Variants in NDRG2 observed in about 807,000 individuals in gnomAD.
The protein encoded by NDRG2 is NDRG family member 2.
A neutral mutation model predicts 58.2 loss-of-function variants in NDRG2; 34 were observed. The ratio of observed to expected loss-of-function variants is 0.58; its 90% CI spans 0.44 to 0.78. NDRG2 has a LOEUF of 0.78. Ranked by LOEUF, NDRG2 falls within the 30% of genes least tolerant of loss-of-function variation. The pLI is 0.00. For missense variants in NDRG2, 434 were observed against 471.2 expected (o/e 0.92, Z 0.73); for synonymous variants, 187 against 175.9 (o/e 1.06, Z -0.50).
chr14:21,058,227 C>A, intron 1 of NDRG2: 1 of 1,614,162 alleles, frequency 6.2e-7, no homozygotes. Context: ...GAGCTCACCT[C>A]AGGGAAGTAC....
intron 1 of NDRG2, chr14:21,034,389 T>G: frequency 1.2e-6 from 1 of 823,854 alleles, no homozygotes; most frequent in Non-Finnish European, 1.9e-6. Context: ...CCAACAGTAC[T>G]TTAGAGATCA....
At chr14:21,025,965 A>G (rs1883557398), upstream of NDRG2, 1 of 153,318 alleles carries the variant, frequency 6.5e-6, no homozygotes, top group South Asian at 2.1e-4. This position sits in a 1 kb window ranked among gnomAD's most constrained non-coding sequence, Gnocchi z 5.1. Flanking sequence ...GGGAGGACGC[A>G]GTGTCCTGGG....
intron 1 of NDRG2, chr14:21,058,568 C>G (rs1885790952): frequency 3.6e-6 from 2 of 561,286 alleles, no homozygotes; most frequent in Non-Finnish European, 6.3e-6. Context: ...TTCATTGTAG[C>G]TTACTTTGCA....
chr14:21,030,335 T>A, upstream of NDRG2: 1 of 490,562 alleles, frequency 2.0e-6, no homozygotes, highest in Non-Finnish European at 3.7e-6. Context: ...AAAGAGAGGA[T>A]CATTCAGTAG....
upstream of NDRG2, among the ~76,000 whole-genome samples, chr14:21,030,005 G>A (rs1283467734): frequency 6.6e-6 from 1 of 152,218 alleles, no homozygotes; most frequent in African/African-American, 2.4e-5. Context: ...AATTTGACTA[G>A]GACCCAGAGG....
chr14:21,033,490 T>G, intron 1 of NDRG2: 1 of 376,668 alleles, frequency 2.7e-6, no homozygotes. Flanking sequence ...TGGGCCTCCA[T>G]CCAGGACTTA....
Position 21,043,323 on chromosome 14 carries a change from C to G in NDRG2, c.25-20002G>C, listed in dbSNP as rs769219083. ...GGCCGTGTCCCTGACCATGTGTAAGCTCACCTCAGGGAAGCATCCGAACTG... is the reference window on the plus strand; with the variant it reads ...GGCCGTGTCCCTGACCATGTGTAAGGTCACCTCAGGGAAGCATCCGAACTG... On this transcript the variant is annotated intron_variant, in intron 1 of 14. Coordinates refer to the NDRG2 transcript ENST00000403829. 75 of 1,614,052 alleles carry G rather than the reference C, an allele frequency of 4.6e-5. No homozygotes were observed. Among genetic ancestry groups the G allele is most frequent in the Non-Finnish European group, 6.2e-5 (73 of 1,180,026 alleles).
At chr14:21,030,568 A>T, upstream of NDRG2, 3 of 1,611,006 alleles carry the variant, frequency 1.9e-6, no homozygotes, top group Non-Finnish European at 2.5e-6. Context: ...GCCCTCCCCG[A>T]CCTCTAGCTG....
intron 1 of NDRG2, among the ~76,000 whole-genome samples, chr14:21,060,198 T>C (rs187316529): frequency 6.6e-6 from 1 of 152,288 alleles, no homozygotes; most frequent in East Asian, 1.9e-4. Context: ...AGAGAAAGCA[T>C]AGAATCCAGA....
chr14:21,061,762 A>G (rs1885976361), intron 1 of NDRG2, among the ~76,000 whole-genome samples: 1 of 152,258 alleles, frequency 6.6e-6, no homozygotes, highest in Admixed American at 6.5e-5. Flanking sequence ...AGGAATTTGT[A>G]TTAGGCTTGT....
rs1017345165 is a variant in NDRG2 at position 21,024,758 on chromosome 14, G to T, written c.-735C>A. The T allele has an allele frequency of 2.0e-6, 2 of 985,368 alleles. No individual in the cohort carries two copies. 61.0% of individuals were successfully genotyped at this position (985,368 alleles called of 1,614,324 possible). ...CCCAGCACCCGGAACCCGTCCCTAC[G>T]AGTCCCTACGCAGCCCGTCCGCGTG... On this transcript the variant is annotated 5_prime_UTR_variant, in exon 1 of 16. Coordinates refer to ENST00000556147, the MANE Select transcript of NDRG2 (RefSeq NM_001320329.2).
intron 12 of NDRG2, 28 bp downstream of exon 12, chr14:21,018,735 C>T: frequency 2.5e-6 from 4 of 1,613,940 alleles, no homozygotes; most frequent in Non-Finnish European, 3.4e-6. Flanking sequence ...ACCCTCCTCC[C>T]TCACTCACCC....
intron 1 of NDRG2, among the ~76,000 whole-genome samples, chr14:21,039,510 T>C (rs1231896789): frequency 2.0e-5 from 3 of 152,222 alleles, no homozygotes; most frequent in Non-Finnish European, 2.9e-5. Flanking sequence ...AATCTTTTTG[T>C]TCTTCCTAAA....
At chr14:21,033,597 G>A in intron 1 of NDRG2, 2 of 586,098 alleles carry the variant, frequency 3.4e-6, no homozygotes, top group Non-Finnish European at 6.1e-6. Flanking sequence ...ATGATGAGGA[G>A]GTGGGGGCGA....
intron 1 of NDRG2, among the ~76,000 whole-genome samples, chr14:21,037,589 A>C (rs1440619750): frequency 6.6e-6 from 1 of 152,236 alleles, no homozygotes; most frequent in Non-Finnish European, 1.5e-5. Flanking sequence ...CAGCTCCCAT[A>C]ACAAAGAATT....
At position 21,022,406 on chromosome 14, in the gene NDRG2, T is replaced by C. The variant is rs780527119; in HGVS notation, c.209A>G (p.Asp70Gly). The C allele has an allele frequency of 6.2e-7, 1 of 1,613,534 alleles. No homozygotes were observed. Among genetic ancestry groups the C allele is most frequent in the East Asian group, 2.2e-5 (1 of 44,862 alleles). ...PKRPAILTYH[D>G]VGLNYKSCFQ... ...AAGGTCCTTACAGTTGAGTCCCACA[T>C]CGTGGTAGGTAAGGATCGCTGGGCG... Residue 70 changes from aspartate to glycine, a missense_variant, in exon 4 of 16, where the codon GAT becomes GGT. Transcript: ENST00000556147.
At chr14:21,020,307 A>AG in intron 8 of NDRG2, 189 bp downstream of exon 8, 7 of 582,026 alleles carry the variant, frequency 1.2e-5, no homozygotes, top group Admixed American at 3.0e-5. Flanking sequence ...AAAAAAAAAA[A>AG]AAAGAAAAAG....
rs376155468 is a variant in NDRG2 at position 21,068,200 on chromosome 14, C to T, written c.24+2628G>A. The stretch of plus-strand genomic sequence containing the variant: ...ATTTTTAGTAGAGACGGGGTTTCAC[C>T]GTGTTAGCCAGGATGGTCTCGATCT... On this transcript the variant is annotated intron_variant, in intron 1 of 14. Coordinates refer to the NDRG2 transcript ENST00000403829. Among the ~76,000 whole-genome samples the T allele has an allele frequency of 9.3e-4, 17 of 18,208 alleles. 5 individuals carry two copies. In the East Asian group the frequency reaches 0.025, roughly 27 times the overall value. 11.9% of individuals were successfully genotyped at this position (18,208 alleles called of 152,430 possible). A position where few individuals can be genotyped will look rare whatever the true frequency, so the allele number is the denominator to read the frequency against.
chr14:21,017,878 G>A (rs1024825617), intron 15 of NDRG2, 109 bp downstream of exon 15: 3 of 1,602,320 alleles, frequency 1.9e-6, no homozygotes, highest in East Asian at 2.2e-5. Context: ...GGGGATCAAC[G>A]AGCTCGATTG....
Sources: gnomAD v4.1 joint callset for allele counts (sites outside exome capture counted in the v4.1 genomes callset) on GRCh38, gnomAD v4.1.1 for gene constraint, Gnocchi (gnomAD v3.1) non-coding constraint, MANE v1.5 for transcripts, NCBI Gene and HGNC (gene_info 2026-07-23, HGNC 2026-07-21) for gene names.